The following EPG5 variants were observed in gnomAD, a reference collection of about 807,000 sequenced individuals.
EPG5 encodes ectopic P granules protein 5 homolog.
In EPG5, 159 loss-of-function variants were observed where a neutral mutation model predicts 302.7. The ratio of observed to expected loss-of-function variants is 0.53; its 90% CI spans 0.46 to 0.60. EPG5 has a LOEUF of 0.60. Among genes scored for constraint, EPG5 ranks in the 20% least tolerant of loss-of-function variants. The pLI is 0.00. For synonymous variants in EPG5, 1,158 were observed against 1,136.8 expected (o/e 1.02, Z -0.37); for missense variants, 2,896 against 3,092.4 (o/e 0.94, Z 1.51).
chr18:45,932,592 AG>A (rs2050418093), intron 11 of EPG5, among the ~76,000 whole-genome samples: 2 of 152,236 alleles, frequency 1.3e-5, no homozygotes, highest in Non-Finnish European at 2.9e-5. Flanking sequence ...GATGTTAGAA[AG>A]CCTTATTCTT....
At chr18:45,886,878 G>A (rs1233413113) in intron 29 of EPG5, among the ~76,000 whole-genome samples, 2 of 152,076 alleles carry the variant, frequency 1.3e-5, no homozygotes, top group Admixed American at 6.6e-5. Context: ...GGCTGGTCTT[G>A]AACTCCCAAC....
chr18:45,915,694 C>A, intron 19 of EPG5, 73 bp from the exon 20 acceptor site: 1 of 1,101,318 alleles, frequency 9.1e-7, no homozygotes, highest in Admixed American at 1.9e-5. Context: ...ACAAGAGTAT[C>A]AGCAACTGTC....
intron 11 of EPG5, among the ~76,000 whole-genome samples, chr18:45,932,582 G>T (rs998111460): frequency 5.9e-5 from 9 of 152,202 alleles, no homozygotes; most frequent in African/African-American, 2.2e-4. Context: ...GAAGGGAAAA[G>T]ATGTTAGAAA....
intron 27 of EPG5, 73 bp from the exon 28 acceptor site, chr18:45,890,013 A>C (rs1447559811): frequency 7.6e-7 from 1 of 1,318,656 alleles, no homozygotes; most frequent in East Asian, 2.4e-5. Flanking sequence ...TCAAACTGAA[A>C]TAAAATTATT....
chr18:45,901,728 A>G (rs919363396), intron 25 of EPG5, among the ~76,000 whole-genome samples: 3 of 152,012 alleles, frequency 2.0e-5, no homozygotes, highest in Non-Finnish European at 4.4e-5. Context: ...CATTCACTCA[A>G]CAAATGATTT....
At chr18:45,818,354 A>G in the EPG5 span, among the ~76,000 whole-genome samples, 1 of 152,098 alleles carries the variant, frequency 6.6e-6, no homozygotes, top group East Asian at 1.9e-4. Context: ...CTTGGAGTAG[A>G]ATTGCTGGAT....
chr18:45,914,970 TA>T (rs11352234), intron 20 of EPG5, among the ~76,000 whole-genome samples: 118,054 of 146,300 alleles, frequency 0.81, 47,411 homozygotes, highest in East Asian at 0.9. Context: ...TTTTTTAATT[TA>T]AAAAAAAAAA....
intron 25 of EPG5, among the ~76,000 whole-genome samples, chr18:45,903,250 C>T (rs1456833316): frequency 6.6e-6 from 1 of 151,448 alleles, no homozygotes; most frequent in Non-Finnish European, 1.5e-5. Context: ...CTTTTATAAT[C>T]AGAAAAAAAA....
In EPG5 at chr18:45,878,998, T is replaced by G. The variant is rs1306258202; in HGVS notation, c.5869+15A>C. 3.1e-6 allele frequency: 5 copies of G among 1,609,806 alleles called. No homozygotes were observed. The African/African-American group carries it at 4.0e-5, about 13-fold the overall frequency. ...TCCAAACACCTAGCTCCACATCGCA[T>G]GAGAAGTATATTACCTGTTTTCCTG... On this transcript the variant is annotated intron_variant, in intron 33 of 43. Coordinates refer to ENST00000282041, the MANE Select transcript of EPG5 (RefSeq NM_020964.3).
intron 27 of EPG5, 50 bp downstream of exon 27, chr18:45,899,354 T>G: frequency 6.2e-7 from 1 of 1,602,096 alleles, no homozygotes; most frequent in Non-Finnish European, 8.5e-7. Flanking sequence ...AAGCCAACAT[T>G]ACGGACTCAA....
chr18:45,909,506 T>C (rs1403259458), intron 23 of EPG5, among the ~76,000 whole-genome samples: 1 of 152,194 alleles, frequency 6.6e-6, no homozygotes, highest in East Asian at 1.9e-4. Flanking sequence ...CACCTAGCTA[T>C]TGTGTATTGA....
intron 13 of EPG5, among the ~76,000 whole-genome samples, chr18:45,927,581 A>C (rs2050300767): frequency 1.4e-5 from 2 of 139,528 alleles, no homozygotes; most frequent in African/African-American, 5.4e-5. Context: ...TGAATGGATA[A>C]ACAAAAAGTT....
At chr18:45,915,348 C>T (rs983156827) in intron 20 of EPG5, among the ~76,000 whole-genome samples, 163 bp downstream of exon 20, 1 of 152,038 alleles carries the variant, frequency 6.6e-6, no homozygotes, top group African/African-American at 2.4e-5. Flanking sequence ...AACAGCACAA[C>T]CTCACCAAAG....
intron 2 of EPG5, chr18:45,953,541 C>T (rs2050957333): frequency 4.1e-6 from 4 of 985,258 alleles, no homozygotes; most frequent in Non-Finnish European, 4.8e-6. Flanking sequence ...CACTGCCAAA[C>T]TTGTCAAGAG....
chr18:45,967,030 G>A, intron 1 of EPG5, 147 bp downstream of exon 1: 2 of 714,318 alleles, frequency 2.8e-6, no homozygotes, highest in Non-Finnish European at 4.6e-6. Context: ...CGGTGTCAAC[G>A]GGTGGTGGGA....
intron 11 of EPG5, among the ~76,000 whole-genome samples, chr18:45,931,303 A>C (rs1249522706): frequency 6.6e-6 from 1 of 152,246 alleles, no homozygotes; most frequent in African/African-American, 2.4e-5. Flanking sequence ...CATTCCAAAA[A>C]AAAGAGATTT....
Position 45,876,302 on chromosome 18 carries a change from C to T in EPG5, c.5983G>A (p.Val1995Met), listed in dbSNP as rs377616391. The change falls in exon 35 of 44, where the codon GTG becomes ATG. Residue 1995 changes from valine to methionine, a missense_variant. Coordinates refer to ENST00000282041, the MANE Select transcript of EPG5 (RefSeq NM_020964.3). ...AGCTGCACAATGCTTGAGGCCACCA[C>T]AGTATCACTCTCTAGCCAGGGGTAA... ...RHYPWLESDTVVASSIVQLFT... is the reference protein window; with the variant it reads ...RHYPWLESDTMVASSIVQLFT... 1.2e-6 allele frequency: 2 copies of T among 1,613,986 alleles called. No individual in the cohort carries two copies. The highest frequency in any genetic ancestry group is 1.1e-5 in the South Asian group (1 of 91,088).
In EPG5 at chr18:45,912,358, G is replaced by A. The variant is rs1568147502; in HGVS notation, c.3915C>T (p.His1305=). ...AHQALVTPSD[H]PLLPLIWQKF... is the part of the protein sequence containing the mutation. ...TCTGCCAAATGAGTGGCAGGAGGGG[G>A]TGATCAGAAGGTGTGACCAGAGCCT... Residue 1305 remains histidine (H), a synonymous_variant, in exon 22 of 44, where the codon CAC becomes CAT. Coordinates refer to ENST00000282041, the MANE Select transcript of EPG5 (RefSeq NM_020964.3). The A allele has an allele frequency of 2.5e-6, 4 of 1,611,672 alleles. No individual in the cohort carries two copies. Among genetic ancestry groups the A allele is most frequent in the South Asian group, 1.1e-5 (1 of 90,604 alleles).
rs532561653 is a variant in EPG5 at position 45,860,248 on chromosome 18, G to A, written c.6865C>T (p.Arg2289Trp). The change falls in exon 40 of 44, where the codon CGG becomes TGG. Residue 2289 changes from arginine (R) to tryptophan (W), a missense_variant. Transcript: ENST00000282041. Reference protein sequence around the residue: ...NATIPTAEFLRGSIRTWIGQK... With the variant: ...NATIPTAEFLWGSIRTWIGQK... ...CCAATCCAGGTCCGGATACTGCCCCGAAGGAACTCTGCTGTTGGAATAGTC... is the reference window on the plus strand; with the variant it reads ...CCAATCCAGGTCCGGATACTGCCCCAAAGGAACTCTGCTGTTGGAATAGTC... 6.2e-6 allele frequency: 10 copies of A among 1,614,216 alleles called. No individual in the cohort carries two copies. The East Asian group carries it at 6.7e-5, about 11-fold the overall frequency.
Sources: gnomAD v4.1 joint callset for allele counts (sites outside exome capture counted in the v4.1 genomes callset) on GRCh38, gnomAD v4.1.1 for gene constraint, MANE v1.5 for transcripts, NCBI Gene and HGNC (gene_info 2026-07-23, HGNC 2026-07-21) for gene names.